The following PRKACA variants were observed in gnomAD, a reference collection of about 807,000 sequenced individuals.
PRKACA encodes protein kinase cAMP-activated catalytic subunit alpha.
A neutral mutation model predicts 45.8 loss-of-function variants in PRKACA; 9 were observed. That is an observed-to-expected ratio of 0.20 (90% CI 0.12 to 0.34). The LOEUF (loss-of-function observed/expected upper bound fraction) is 0.34, where lower values mean the gene tolerates loss of function less well. Ranked by LOEUF, PRKACA falls within the 10% of genes least tolerant of loss-of-function variation. The pLI, the probability that PRKACA is intolerant of heterozygous loss-of-function variation, is 1.00. For synonymous variants in PRKACA, 160 were observed against 178.6 expected (o/e 0.90, Z 0.83); for missense variants, 238 against 458.6 (o/e 0.52, Z 4.39).
chr19:14,109,631 AAAAAG>A (rs1173654516), intron 1 of PRKACA, among the ~76,000 whole-genome samples: 1 of 150,090 alleles, frequency 6.7e-6, no homozygotes, highest in Non-Finnish European at 1.5e-5. Flanking sequence ...AAAAAAAAGA[AAAAAG>A]AAAAGAAAAT....
At chr19:14,106,652 T>A (rs773534751) in intron 3 of PRKACA, 108 bp downstream of exon 3, 154 of 1,476,030 alleles carry the variant, frequency 1.0e-4, no homozygotes, top group Non-Finnish European at 1.4e-4. Context: ...AGACTCTGAA[T>A]CAAAAAAAAG....
intron 1 of PRKACA, chr19:14,108,258 G>A (rs1207458336): frequency 1.6e-5 from 10 of 631,516 alleles, no homozygotes; most frequent in Non-Finnish European, 2.0e-5. Flanking sequence ...ACCTCTCTAG[G>A]CCTCAGTTTT....
chr19:14,100,737 G>T, intron 5 of PRKACA, 89 bp downstream of exon 5: 2 of 1,298,198 alleles, frequency 1.5e-6, no homozygotes, highest in Non-Finnish European at 2.2e-6. Context: ...AAGTATGCTG[G>T]ACTCCTCTGC....
At chr19:14,094,603 G>A (rs1405226315) in intron 8 of PRKACA, among the ~76,000 whole-genome samples, 1 of 152,228 alleles carries the variant, frequency 6.6e-6, no homozygotes, top group African/African-American at 2.4e-5. Context: ...CAGAGAAGGG[G>A]AAACTGAGGC....
At chr19:14,099,383 G>T (rs550947535) in intron 5 of PRKACA, among the ~76,000 whole-genome samples, 3 of 151,174 alleles carry the variant, frequency 2.0e-5, no homozygotes, top group Non-Finnish European at 4.4e-5. Flanking sequence ...CTTTCAGCAG[G>T]GTCTGACTGG....
At chr19:14,099,286 C>CT (rs1194054897) in intron 5 of PRKACA, among the ~76,000 whole-genome samples, 2 of 152,152 alleles carry the variant, frequency 1.3e-5, no homozygotes, top group East Asian at 3.8e-4. Flanking sequence ...GAGTGAAACT[C>CT]TGTCTCAAAA....
At chr19:14,117,075 A>G (rs974212231) in intron 1 of PRKACA, among the ~76,000 whole-genome samples, 1 of 151,804 alleles carries the variant, frequency 6.6e-6, no homozygotes, top group Non-Finnish European at 1.5e-5. Context: ...GTGGAGGCAG[A>G]CAGACCTCAT....
intron 5 of PRKACA, 187 bp from the exon 6 acceptor site, chr19:14,098,077 C>G: frequency 1.5e-6 from 1 of 656,106 alleles, no homozygotes. Flanking sequence ...AAAATGGAAT[C>G]ACAGACTGAG....
chr19:14,097,497 G>A lies in PRKACA; in HGVS notation c.643-14C>T. 6.2e-7 allele frequency: 1 copy of A among 1,614,092 alleles called. No individual in the cohort carries two copies. The highest frequency in any genetic ancestry group is 8.5e-7 in the Non-Finnish European group (1 of 1,180,008). On this transcript the variant is annotated splice_polypyrimidine_tract_variant and intron_variant, in intron 7 of 9. Coordinates refer to ENST00000308677, the MANE Select transcript of PRKACA (RefSeq NM_002730.4). This position sits in a 1 kb window ranked among gnomAD's most constrained non-coding sequence, Gnocchi z 5.4. ...CTTGTTGTAGCCCTGGAGCAAGATG[G>A]GGGGGCACAGGGTGAGGAGGAGGCG...
At position 14,093,216 on chromosome 19, in the gene PRKACA, T is replaced by C; in HGVS notation, c.952A>G (p.Lys318Glu). 6.2e-7 allele frequency: 1 copy of C among 1,613,852 alleles called. No individual in the cohort carries two copies. The highest frequency in any genetic ancestry group is 8.5e-7 in the Non-Finnish European group (1 of 1,179,894). The change falls in exon 10 of 10, where the codon AAG (lysine) becomes GAG (glutamate). Residue 318 changes from lysine to glutamate, a missense_variant. Around this residue, in one of 3 missense-constraint regions of PRKACA, gnomAD observed 51 missense variants for 68.6 expected, o/e 0.74. Coordinates refer to ENST00000308677, the MANE Select transcript of PRKACA (RefSeq NM_002730.4). Reference protein sequence around the residue: ...QRKVEAPFIPKFKGPGDTSNF... With the variant: ...QRKVEAPFIPEFKGPGDTSNF... ...CTCGTATCCCCAGGGCCTTTAAACT[T>C]TGGTATGAAGGGAGCTTCCACCTGG...
At chr19:14,102,534 T>G (rs1218673772) in intron 4 of PRKACA, among the ~76,000 whole-genome samples, 2 of 152,114 alleles carry the variant, frequency 1.3e-5, no homozygotes, top group African/African-American at 4.8e-5. Context: ...TGCTCCTGGG[T>G]CAGGCTCTTA....
At position 14,098,086 on chromosome 19, in the gene PRKACA, A is replaced by C; in HGVS notation, c.420-196T>G. On this transcript the variant is annotated intron_variant, in intron 5 of 9. Coordinates refer to ENST00000308677, the MANE Select transcript of PRKACA (RefSeq NM_002730.4). ...CACAGGAAAATGGAATCACAGACTG[A>C]GCTATAGTCATACAATGGAATTCCA... 3 of 607,340 alleles carry C rather than the reference A, an allele frequency of 4.9e-6. No individual in the cohort carries two copies. In the South Asian group the frequency reaches 6.4e-5, roughly 13 times the overall value. The allele number at this position is 607,340 out of a possible 1,614,324, so 37.6% of individuals were successfully genotyped here.
At chr19:14,117,418 G>C (rs1967132087) in intron 1 of PRKACA, 84 bp downstream of exon 1, 2 of 1,207,762 alleles carry the variant, frequency 1.7e-6, no homozygotes, top group Non-Finnish European at 2.1e-6. Flanking sequence ...GAGGGGCCCC[G>C]TAGGGGGAGG....
chr19:14,100,614 C>T (rs982507809), intron 5 of PRKACA, among the ~76,000 whole-genome samples: 5 of 152,154 alleles, frequency 3.3e-5, no homozygotes, highest in African/African-American at 4.8e-5. Context: ...TCAGTTTGGA[C>T]ACCTAAGTTG....
intron 1 of PRKACA, chr19:14,108,288 T>G (rs1316126511): frequency 2.8e-6 from 1 of 362,642 alleles, no homozygotes; most frequent in African/African-American, 2.2e-5. Context: ...TAAAGTGGGG[T>G]GGTTTTGAGG....
intron 1 of PRKACA, among the ~76,000 whole-genome samples, chr19:14,114,503 G>A (rs970705382): frequency 6.6e-6 from 1 of 152,006 alleles, no homozygotes; most frequent in Admixed American, 6.6e-5. Context: ...GTCTTCTTGG[G>A]GGGTGCTTTT....
chr19:14,107,921 C>T (rs188008604), intron 1 of PRKACA: 1 of 988,012 alleles, frequency 1.0e-6, no homozygotes, highest in East Asian at 1.1e-4. Context: ...TGCTCCAGAG[C>T]TGGTTCAAGG....
chr19:14,106,898 G>T lies in PRKACA; in HGVS notation c.109-10C>A. The T allele has an allele frequency of 6.2e-7, 1 of 1,614,116 alleles. No individual in the cohort carries two copies. The highest frequency in any genetic ancestry group is 8.5e-7 in the Non-Finnish European group (1 of 1,179,984). On this transcript the variant is annotated splice_polypyrimidine_tract_variant and intron_variant, in intron 2 of 9. Coordinates refer to ENST00000308677, the MANE Select transcript of PRKACA (RefSeq NM_002730.4). ...CCAAGTGGGCTGTGTTCTGTGGGCA[G>T]AGGGGTCGGTAGGCTCAGGGCACGC...
At chr19:14,116,929 C>T (rs1455757133) in intron 1 of PRKACA, among the ~76,000 whole-genome samples, 1 of 144,244 alleles carries the variant, frequency 6.9e-6, no homozygotes, top group African/African-American at 2.6e-5. Context: ...GGAGGTGGCT[C>T]TGGGAAATGT....
Sources: allele counts gnomAD v4.1 joint callset (sites outside exome capture counted in the v4.1 genomes callset), GRCh38; gene constraint gnomAD v4.1.1; regional missense constraint gnomAD v4.1.1; non-coding constraint Gnocchi (gnomAD v3.1); transcripts MANE v1.5; gene names NCBI Gene and HGNC (gene_info 2026-07-23, HGNC 2026-07-21).